MIPOL1: variants seen among roughly 807,000 people sequenced by gnomAD.
MIPOL1 encodes mirror-image polydactyly 1.
Under a neutral mutation model 60.9 loss-of-function variants are expected in MIPOL1, and 57 were observed. That is an observed-to-expected ratio of 0.94 (90% CI 0.76 to 1.17). The LOEUF is 1.17. MIPOL1 is among the 50% of genes most tolerant of loss of function. MIPOL1 has a pLI of 0.00. For synonymous variants in MIPOL1, 179 were observed against 168.8 expected (o/e 1.06, Z -0.47); for missense variants, 551 against 511.6 (o/e 1.08, Z -0.74).
intron 11 of MIPOL1, among the ~76,000 whole-genome samples, chr14:37,470,643 C>A (rs781543329): frequency 5.3e-5 from 8 of 152,016 alleles, no homozygotes; most frequent in Non-Finnish European, 1.0e-4. Context: ...TTACAAATTA[C>A]CCAGTCTCAG....
chr14:37,228,556 A>G (rs1355022790), intron 1 of MIPOL1, among the ~76,000 whole-genome samples: 3 of 152,102 alleles, frequency 2.0e-5, no homozygotes, highest in African/African-American at 7.2e-5. Flanking sequence ...TGGTAGTGAC[A>G]TGATGGCACC....
intron 1 of MIPOL1, among the ~76,000 whole-genome samples, chr14:37,219,082 T>G (rs2139465082): frequency 6.6e-6 from 1 of 152,288 alleles, no homozygotes; most frequent in East Asian, 1.9e-4. Context: ...CAAATGGGAC[T>G]TTACAGCTAA....
intron 1 of MIPOL1, among the ~76,000 whole-genome samples, chr14:37,204,094 T>C (rs1281876168): frequency 7.3e-6 from 1 of 137,858 alleles, no homozygotes; most frequent in Admixed American, 7.5e-5. Flanking sequence ...CTCAGGGATA[T>C]TAATCCTGCC....
At chr14:37,297,421 T>G (rs1250198579) in intron 7 of MIPOL1, among the ~76,000 whole-genome samples, 1 of 152,004 alleles carries the variant, frequency 6.6e-6, no homozygotes. Flanking sequence ...CTCTCACCAC[T>G]CCTATTCAAC....
At chr14:37,415,709 G>T (rs560991312) in intron 10 of MIPOL1, among the ~76,000 whole-genome samples, 1 of 151,912 alleles carries the variant, frequency 6.6e-6, no homozygotes, top group Non-Finnish European at 1.5e-5. Flanking sequence ...GTTAAAAGGA[G>T]AGACTTGGGC....
intron 10 of MIPOL1, among the ~76,000 whole-genome samples, chr14:37,422,475 G>A (rs2093890481): frequency 6.6e-6 from 1 of 151,830 alleles, no homozygotes; most frequent in Admixed American, 6.6e-5. Flanking sequence ...TTCAGGCAGT[G>A]GAGCCACATT....
At position 37,393,586 on chromosome 14, in the gene MIPOL1, A is replaced by G. The variant is rs2093302953; in HGVS notation, c.936+23962A>G. ...CAAGCAGGTTTAAAGAAAAGCATAT[A>G]AATTACTTACCTTTATTGTGTTTCT... On this transcript the variant is annotated intron_variant, in intron 10 of 12. Coordinates refer to ENST00000684589, the MANE Select transcript of MIPOL1 (RefSeq NM_001388067.1). Among the ~76,000 whole-genome samples, 4 of 151,966 alleles carry G rather than the reference A, an allele frequency of 2.6e-5. No homozygotes were observed. In the South Asian group the frequency reaches 6.2e-4, roughly 24 times the overall value.
chr14:37,291,179 C>T (rs1370087061), intron 7 of MIPOL1, among the ~76,000 whole-genome samples: 1 of 152,136 alleles, frequency 6.6e-6, no homozygotes, highest in East Asian at 1.9e-4. Flanking sequence ...CTCCCTTGGC[C>T]TCCCAAGGTG....
intron 11 of MIPOL1, among the ~76,000 whole-genome samples, chr14:37,489,983 T>C (rs1215885736): frequency 6.6e-6 from 1 of 152,210 alleles, no homozygotes; most frequent in Non-Finnish European, 1.5e-5. Context: ...AACGCTGTGC[T>C]GCGAGATCTG....
chr14:37,490,491 G>A (rs371477011), intron 11 of MIPOL1, among the ~76,000 whole-genome samples: 9 of 152,200 alleles, frequency 5.9e-5, no homozygotes, highest in East Asian at 5.8e-4. Context: ...AGGTGCCACC[G>A]GGGTATAGAA....
At position 37,527,625 on chromosome 14, in the gene MIPOL1, T is replaced by C. The variant is rs2153634643; in HGVS notation, c.1263-19280T>C. 1.3e-5 allele frequency among the ~76,000 whole-genome samples: 2 copies of C among 152,218 alleles called. 1 individual carries two copies. The highest frequency in any genetic ancestry group is 4.1e-4 in the South Asian group (2 of 4,824). ...CCTTAGATTCTAGATTGGGTTCATT[T>C]GAATGTGAGAGATTAAAGGAAAGCC... On this transcript the variant is annotated intron_variant, in intron 12 of 12. Coordinates refer to ENST00000684589, the MANE Select transcript of MIPOL1 (RefSeq NM_001388067.1).
At chr14:37,482,242 C>T (rs936680827) in intron 11 of MIPOL1, among the ~76,000 whole-genome samples, 3 of 152,026 alleles carry the variant, frequency 2.0e-5, no homozygotes, top group Non-Finnish European at 4.4e-5. Flanking sequence ...AAACAAAACA[C>T]CCAGTTTAAA....
At chr14:37,326,055 G>T (rs1156445530) in intron 9 of MIPOL1, among the ~76,000 whole-genome samples, 1 of 152,148 alleles carries the variant, frequency 6.6e-6, no homozygotes, top group Non-Finnish European at 1.5e-5. Context: ...AAAGTGAATG[G>T]AGTCATTCCT....
At chr14:37,471,903 C>T (rs767784927) in intron 11 of MIPOL1, among the ~76,000 whole-genome samples, 2 of 152,162 alleles carry the variant, frequency 1.3e-5, no homozygotes, top group Non-Finnish European at 2.9e-5. Context: ...TTAGTCAGTA[C>T]TCATCTCTAG....
At chr14:37,450,541 T>C (rs978408171) in intron 11 of MIPOL1, among the ~76,000 whole-genome samples, 3 of 152,152 alleles carry the variant, frequency 2.0e-5, no homozygotes, top group African/African-American at 7.2e-5. Context: ...TTTTTCATTT[T>C]TGTATTCTGA....
At chr14:37,398,109 G>A (rs141056946) in intron 10 of MIPOL1, among the ~76,000 whole-genome samples, 193 of 152,152 alleles carry the variant, frequency 1.3e-3, no homozygotes, top group African/African-American at 4.6e-3. Context: ...AGGCAGGAAT[G>A]GCCTGCTTGG....
At position 37,267,026 on chromosome 14, in the gene MIPOL1, A is replaced by C. The variant is rs2082925869; in HGVS notation, c.108A>C (p.Lys36Asn). Residue 36 changes from lysine (K) to asparagine (N), a missense_variant, in exon 4 of 13, where the codon AAA (lysine) becomes AAC (asparagine). By Grantham distance (94) the Lys-to-Asn change is moderately conservative (BLOSUM62 0). Transcript: ENST00000684589. ...PDEQLTMNSEKSMHRKSTELV... is the reference protein window; with the variant it reads ...PDEQLTMNSENSMHRKSTELV... Reference sequence around the variant, plus strand: ...AGCAACTGACTATGAATTCTGAGAAAAGTATGCATCGGAAATCCACTGAAT... The same window carrying C: ...AGCAACTGACTATGAATTCTGAGAACAGTATGCATCGGAAATCCACTGAAT... The C allele has an allele frequency of 2.5e-6, 4 of 1,613,976 alleles. No individual in the cohort carries two copies. Among genetic ancestry groups the C allele is most frequent in the Non-Finnish European group, 3.4e-6 (4 of 1,179,944 alleles).
chr14:37,490,547 A>G (rs1371875194), intron 11 of MIPOL1, among the ~76,000 whole-genome samples: 1 of 152,106 alleles, frequency 6.6e-6, no homozygotes, highest in Non-Finnish European at 1.5e-5. Context: ...ACGGCCACCC[A>G]GTTTTGTGCT....
chr14:37,455,302 A>G (rs971343637), intron 11 of MIPOL1, among the ~76,000 whole-genome samples: 1 of 152,118 alleles, frequency 6.6e-6, no homozygotes, highest in African/African-American at 2.4e-5. Flanking sequence ...ATTATATATC[A>G]CTTGAAACTA....
Sources: gnomAD v4.1 joint callset for allele counts (sites outside exome capture counted in the v4.1 genomes callset) on GRCh38, gnomAD v4.1.1 for gene constraint, MANE v1.5 for transcripts, NCBI Gene and HGNC (gene_info 2026-07-23, HGNC 2026-07-21) for gene names.